The following ZNF385C variants were observed in gnomAD, a reference collection of about 807,000 sequenced individuals.
ZNF385C encodes the protein CTD-2132N18.2.
In ZNF385C, 28 loss-of-function variants were observed where a neutral mutation model predicts 35.4. The observed-to-expected ratio is 0.79, with a 90% confidence interval of 0.59 to 1.08. The LOEUF is 1.08. Among genes scored for constraint, ZNF385C ranks in the 50% least tolerant of loss-of-function variants. The pLI is 0.00. For missense variants in ZNF385C, 605 were observed against 595.6 expected (o/e 1.02, Z -0.16); for synonymous variants, 248 against 248.2 (o/e 1.00, Z 0.01).
intron 1 of ZNF385C, among the ~76,000 whole-genome samples, chr17:42,076,081 T>C (rs1555659237): frequency 1.3e-5 from 2 of 152,202 alleles, no homozygotes; most frequent in African/African-American, 4.8e-5. Context: ...TCTCCCATTC[T>C]GCTTAGCCTA....
chr17:42,031,521 C>T (rs2052727624), intron 5 of ZNF385C, 98 bp downstream of exon 5: 4 of 1,434,204 alleles, frequency 2.8e-6, no homozygotes, highest in East Asian at 5.0e-5. Context: ...ATGGAATACT[C>T]CAACACAAGC....
chr17:42,038,068 C>G, intron 2 of ZNF385C, 183 bp from the exon 3 acceptor site: 1 of 1,535,306 alleles, frequency 6.5e-7, no homozygotes, highest in African/African-American at 1.4e-5. Flanking sequence ...CTCCCCACAG[C>G]TGGGGAAGCA....
chr17:42,078,167 C>G (rs1209466017), intron 1 of ZNF385C, among the ~76,000 whole-genome samples: 3 of 152,168 alleles, frequency 2.0e-5, no homozygotes, highest in African/African-American at 7.2e-5. Context: ...GTGGAGACAA[C>G]AGTAACAGGC....
chr17:42,079,187 CAAAAAA>C (rs141880528), intron 1 of ZNF385C, among the ~76,000 whole-genome samples: 25 of 114,006 alleles, frequency 2.2e-4, no homozygotes, highest in African/African-American at 4.2e-4. Context: ...CCCTGTCTCG[CAAAAAA>C]AAAAAAAAAA....
chr17:42,043,366 G>A, intron 2 of ZNF385C: 1 of 1,232,254 alleles, frequency 8.1e-7, no homozygotes, highest in Non-Finnish European at 1.0e-6. Flanking sequence ...TTTCTTCCCT[G>A]GGGGCACCAT....
intron 2 of ZNF385C, among the ~76,000 whole-genome samples, chr17:42,057,160 G>A (rs1598194775): frequency 1.3e-5 from 2 of 152,060 alleles, no homozygotes; most frequent in Admixed American, 6.6e-5. Context: ...ACAAAACAGA[G>A]TCAGAAACCT....
At chr17:42,063,571 A>T (rs1555658202) in intron 1 of ZNF385C, among the ~76,000 whole-genome samples, 2 of 152,094 alleles carry the variant, frequency 1.3e-5, no homozygotes, top group Non-Finnish European at 2.9e-5. Flanking sequence ...AAAAACAAAA[A>T]AACTTGGGAC....
chr17:42,082,950 G>A (rs2053764622), intron 1 of ZNF385C, among the ~76,000 whole-genome samples: 1 of 151,950 alleles, frequency 6.6e-6, no homozygotes, highest in East Asian at 1.9e-4. Flanking sequence ...GGTGGTGCAC[G>A]CCTGTAATCC....
At chr17:42,084,713 C>G (rs2053787365) in intron 1 of ZNF385C, among the ~76,000 whole-genome samples, 1 of 152,044 alleles carries the variant, frequency 6.6e-6, no homozygotes, top group Non-Finnish European at 1.5e-5. Context: ...TGGGCTGAAA[C>G]AATCCTCCTG....
chr17:42,070,555 A>T (rs2053609690), intron 1 of ZNF385C, among the ~76,000 whole-genome samples: 1 of 152,130 alleles, frequency 6.6e-6, no homozygotes, highest in African/African-American at 2.4e-5. Flanking sequence ...CAACAGAAAC[A>T]TCGCCTCCAT....
intron 3 of ZNF385C, among the ~76,000 whole-genome samples, chr17:42,036,284 C>CCA (rs548887760): frequency 4.4e-3 from 667 of 152,294 alleles, no homozygotes; most frequent in Non-Finnish European, 7.1e-3. Flanking sequence ...CAGGCATGAG[C>CCA]CACTGCACCT....
chr17:42,072,563 T>C (rs1464458049), intron 1 of ZNF385C, among the ~76,000 whole-genome samples: 1 of 151,922 alleles, frequency 6.6e-6, no homozygotes, highest in Non-Finnish European at 1.5e-5. Context: ...CGCGCCTACC[T>C]GGAGAGCGCT....
intron 1 of ZNF385C, among the ~76,000 whole-genome samples, chr17:42,091,579 G>C (rs2053863678): frequency 6.6e-6 from 1 of 152,174 alleles, no homozygotes; most frequent in Admixed American, 6.5e-5. Context: ...CACCTTCTTG[G>C]GGCTTGGCTC....
intron 1 of ZNF385C, among the ~76,000 whole-genome samples, chr17:42,071,243 G>A (rs1408693824): frequency 6.6e-6 from 1 of 152,146 alleles, no homozygotes. Context: ...GAAGCCTGTC[G>A]CCTTCCCCTG....
At chr17:42,072,311 C>T (rs535438026) in intron 1 of ZNF385C, among the ~76,000 whole-genome samples, 1 of 152,250 alleles carries the variant, frequency 6.6e-6, no homozygotes, top group Non-Finnish European at 1.5e-5. Context: ...TCCCTCTCTC[C>T]CCCTAATGGG....
At position 42,057,680 on chromosome 17, in the gene ZNF385C, C is replaced by T. The variant is rs1339230391; in HGVS notation, c.250+5127G>A. On this transcript the variant is annotated intron_variant, in intron 2 of 8. Coordinates refer to ENST00000692273, the MANE Select transcript of ZNF385C (RefSeq NM_001392013.1). ...ATGAAAGAGGCCAGGCGCAGTGGCT[C>T]ACGCCTATAATCCCAGCACTTTGGG... 2.6e-5 allele frequency among the ~76,000 whole-genome samples: 4 copies of T among 152,054 alleles called. 1 individual carries two copies. The highest frequency in any genetic ancestry group is 5.9e-5 in the Non-Finnish European group (4 of 68,022).
At chr17:42,055,261 G>A (rs536553807) in intron 2 of ZNF385C, among the ~76,000 whole-genome samples, 2 of 152,290 alleles carry the variant, frequency 1.3e-5, no homozygotes, top group Non-Finnish European at 2.9e-5. Context: ...TTTGTGTGGG[G>A]AGAGGAAGGA....
Position 42,026,244 on chromosome 17 carries a change from A to T in ZNF385C, c.*653T>A, listed in dbSNP as rs2052576373. ...ATGAATGCCCAGAAGACTTAAGATT[A>T]AAACAAAACCCTGGGCCCAACCAGA... On this transcript the variant is annotated 3_prime_UTR_variant, in exon 9 of 9. Transcript: ENST00000692273. 1 of 153,018 alleles carries T rather than the reference A, an allele frequency of 6.5e-6. No homozygotes were observed. The highest frequency in any genetic ancestry group is 6.5e-5 in the Admixed American group (1 of 15,392). The allele number at this position is 153,018 out of a possible 1,614,324, so 9.5% of individuals were successfully genotyped here.
chr17:42,074,797 T>A (rs950201275), intron 1 of ZNF385C, among the ~76,000 whole-genome samples: 2 of 152,252 alleles, frequency 1.3e-5, no homozygotes, highest in Admixed American at 1.3e-4. Flanking sequence ...CCGGTCACAC[T>A]GATCTCCATC....
Sources: allele counts gnomAD v4.1 joint callset (sites outside exome capture counted in the v4.1 genomes callset), GRCh38; gene constraint gnomAD v4.1.1; transcripts MANE v1.5; gene names NCBI Gene and HGNC (gene_info 2026-07-23, HGNC 2026-07-21).